The following TRIO variants were observed in gnomAD, a reference collection of about 807,000 sequenced individuals.
TRIO encodes the protein triple functional domain protein.
Under a neutral mutation model 351.9 loss-of-function variants are expected in TRIO, and 58 were observed. The ratio of observed to expected loss-of-function variants is 0.16; its 90% CI spans 0.13 to 0.21. TRIO has a LOEUF of 0.21. Among genes scored for constraint, TRIO ranks in the 10% least tolerant of loss-of-function variants. The pLI is 1.00. For missense variants in TRIO, 3,201 were observed against 4,027.8 expected (o/e 0.79, Z 5.56); for synonymous variants, 1,758 against 1,595.7 (o/e 1.10, Z -2.42).
intron 4 of TRIO, among the ~76,000 whole-genome samples, chr5:14,290,504 A>G (rs1736814647): frequency 6.6e-6 from 1 of 152,148 alleles, no homozygotes; most frequent in Non-Finnish European, 1.5e-5. Flanking sequence ...GCTGACATAT[A>G]TGTGTTGCTA....
intron 1 of TRIO, among the ~76,000 whole-genome samples, chr5:14,200,754 G>T (rs1396306496): frequency 6.6e-6 from 1 of 151,938 alleles, no homozygotes; most frequent in Non-Finnish European, 1.5e-5. Flanking sequence ...GGAAATATAC[G>T]ACTCCTACTC....
chr5:14,302,069 G>T (rs966270654), intron 7 of TRIO, among the ~76,000 whole-genome samples: 1 of 152,122 alleles, frequency 6.6e-6, no homozygotes, highest in African/African-American at 2.4e-5. Context: ...GCCCTCTCAG[G>T]ATACTTTAAG....
In TRIO at chr5:14,471,419, C is replaced by T. The variant is rs372898328; in HGVS notation, c.5865C>T (p.Pro1955=). Residue 1955 remains proline (P), a synonymous_variant, in exon 38 of 57, where the codon CCC becomes CCT. Transcript: ENST00000344204. The stretch of plus-strand genomic sequence containing the variant: ...ATTCCCTTCTCTCTTCCTCCTCGCC[C>T]ATTGATGAGATGGAAGAAAGGAAAT... ...SDNSLLSSSS[P]IDEMEERKSS... The T allele has an allele frequency of 8.1e-6, 13 of 1,614,156 alleles. No homozygotes were observed. The highest frequency in any genetic ancestry group is 2.2e-5 in the East Asian group (1 of 44,880).
intron 18 of TRIO, among the ~76,000 whole-genome samples, chr5:14,372,213 AG>A (rs1027019407): frequency 4.2e-5 from 3 of 70,600 alleles, no homozygotes; most frequent in Admixed American, 2.0e-4. Flanking sequence ...TGAAAGGCGG[AG>A]GGGGGGCGAT....
intron 1 of TRIO, among the ~76,000 whole-genome samples, chr5:14,186,397 A>G (rs1790113056): frequency 6.6e-6 from 1 of 152,176 alleles, no homozygotes; most frequent in African/African-American, 2.4e-5. Flanking sequence ...CACGGTCTAA[A>G]TTTGGACTCA....
At chr5:14,346,251 C>T (rs886826593) in intron 11 of TRIO, among the ~76,000 whole-genome samples, 1 of 152,178 alleles carries the variant, frequency 6.6e-6, no homozygotes, top group South Asian at 2.1e-4. Flanking sequence ...TGTTGATGAA[C>T]GACAAGCAGA....
intron 7 of TRIO, among the ~76,000 whole-genome samples, chr5:14,303,940 TATTTCACATAAATG>T (rs1267803303): frequency 1.3e-5 from 2 of 152,214 alleles, no homozygotes; most frequent in African/African-American, 4.8e-5. Context: ...TGCTCTTCCT[TATTTCACATAAATG>T]ATTTTTAGAT....
intron 1 of TRIO, among the ~76,000 whole-genome samples, chr5:14,265,820 A>T (rs1795638257): frequency 6.6e-6 from 1 of 152,198 alleles, no homozygotes; most frequent in Non-Finnish European, 1.5e-5. Context: ...TCACTGTTGA[A>T]TGATAACTTG....
At chr5:14,480,054 T>C in intron 43 of TRIO, 43 bp downstream of exon 43, 1 of 1,591,072 alleles carries the variant, frequency 6.3e-7, no homozygotes, top group Non-Finnish European at 8.6e-7. Flanking sequence ...GGAGTGAGTT[T>C]GCTGAGAAAA....
chr5:14,310,474 C>T (rs1351892234), intron 8 of TRIO, among the ~76,000 whole-genome samples: 1 of 152,238 alleles, frequency 6.6e-6, no homozygotes, highest in Non-Finnish European at 1.5e-5. Flanking sequence ...GTGTGTGCCT[C>T]AACAGGGCCT....
Position 14,487,985 on chromosome 5 carries a change from G to A in TRIO, c.7357G>A (p.Ala2453Thr). The change falls in exon 48 of 57, where the codon GCC becomes ACC. Residue 2453 changes from alanine (A) to threonine (T), a missense_variant. Ala to Thr is a moderately conservative substitution (Grantham distance 58, BLOSUM62 0). This residue lies in a region of TRIO where 1,089 missense variants were observed against 954.9 expected (regional missense o/e 1.14). Transcript: ENST00000344204. ...TLPLGKPRAG[A>T]ASPLNSPLSS... ...GCCGCTTGGGAAGCCCCGGGCCGGG[G>A]CCGCTTCGCCGCTGAACTCGCCGCT... 1 of 1,557,874 alleles carries A rather than the reference G, an allele frequency of 6.4e-7. No homozygotes were observed. The highest frequency in any genetic ancestry group is 8.7e-7 in the Non-Finnish European group (1 of 1,152,130).
rs562196998 is a variant in TRIO, at chr5:14,296,424, A to G, written c.1177-648A>G. 3.3e-5 allele frequency among the ~76,000 whole-genome samples: 5 copies of G among 152,322 alleles called. No homozygotes were observed. The East Asian group carries it at 9.6e-4, about 29-fold the overall frequency. On this transcript the variant is annotated intron_variant, in intron 6 of 56. Transcript: ENST00000344204. ...AAAAGGGTGGGTTTTTAAAATCCCT[A>G]TTTTTGCAATAAACTGATAGACTTG...
Position 14,498,568 on chromosome 5 carries a change from G to A in TRIO, c.8260G>A (p.Asp2754Asn). The change falls in exon 53 of 57, where the codon GAC (aspartate) becomes AAC (asparagine). Residue 2754 changes from aspartate (D) to asparagine (N), a missense_variant. This residue lies in a region of TRIO where 1,089 missense variants were observed against 954.9 expected (regional missense o/e 1.14). Transcript: ENST00000344204. ...LKIVGVTTED[D>N]GIYTCIAVND... Reference sequence around the variant, plus strand: ...GATTGTGGGCGTGACCACGGAAGATGACGGCATCTACACGTGCATCGCTGT... The same window carrying A: ...GATTGTGGGCGTGACCACGGAAGATAACGGCATCTACACGTGCATCGCTGT... 6.2e-7 allele frequency: 1 copy of A among 1,613,858 alleles called. No individual in the cohort carries two copies. Among genetic ancestry groups the A allele is most frequent in the Non-Finnish European group, 8.5e-7 (1 of 1,179,926 alleles).
intron 1 of TRIO, among the ~76,000 whole-genome samples, chr5:14,221,030 G>A (rs1187517842): frequency 6.6e-6 from 1 of 152,162 alleles, no homozygotes; most frequent in East Asian, 1.9e-4. Context: ...CTTGTTGGGG[G>A]CTAATGCAGC....
intron 29 of TRIO, among the ~76,000 whole-genome samples, chr5:14,397,835 C>A (rs575585144): frequency 3.9e-4 from 59 of 152,188 alleles, no homozygotes; most frequent in African/African-American, 1.3e-3. Context: ...ATTTTTCTTT[C>A]TCTGATATAA....
At chr5:14,397,398 C>G (rs547163441) in intron 29 of TRIO, 13 of 401,882 alleles carry the variant, frequency 3.2e-5, no homozygotes, top group Non-Finnish European at 5.9e-5. Context: ...ACTCCAATAG[C>G]ACTTTGTGTC....
intron 34 of TRIO, among the ~76,000 whole-genome samples, chr5:14,432,176 T>G (rs1365252290): frequency 6.6e-6 from 1 of 152,158 alleles, no homozygotes; most frequent in Non-Finnish European, 1.5e-5. Flanking sequence ...CAAGATACCC[T>G]CATGACAACG....
At chr5:14,147,674 G>A (rs1297291266) in intron 1 of TRIO, among the ~76,000 whole-genome samples, 1 of 152,142 alleles carries the variant, frequency 6.6e-6, no homozygotes, top group South Asian at 2.1e-4. Context: ...AGTCTATTAG[G>A]GAGAAGCACA....
chr5:14,461,174 G>C lies in TRIO; in HGVS notation c.5359G>C (p.Gly1787Arg). The change falls in exon 35 of 57, where the codon GGC becomes CGC. Residue 1787 changes from glycine (G) to arginine (R), a missense_variant. This residue lies in a region of TRIO where 193 missense variants were observed against 218.8 expected (regional missense o/e 0.88). Transcript: ENST00000344204. ...LTSPVRRLSS[G>R]KADGHVKKLA... is the part of the protein sequence containing the mutation. ...CAGCCCCGTGCGGCGGCTCAGCAGCGGCAAGGCCGACGGGCACGTGAAGAA... is the reference window on the plus strand; with the variant it reads ...CAGCCCCGTGCGGCGGCTCAGCAGCCGCAAGGCCGACGGGCACGTGAAGAA... The C allele has an allele frequency of 6.4e-7, 1 of 1,558,984 alleles. No individual in the cohort carries two copies. The highest frequency in any genetic ancestry group is 8.7e-7 in the Non-Finnish European group (1 of 1,152,178).
Sources: gnomAD v4.1 joint callset for allele counts (sites outside exome capture counted in the v4.1 genomes callset) on GRCh38, gnomAD v4.1.1 for gene constraint, gnomAD v4.1.1 regional missense constraint, MANE v1.5 for transcripts, NCBI Gene and HGNC (gene_info 2026-07-23, HGNC 2026-07-21) for gene names.